DLGAP4: variants seen among roughly 807,000 people sequenced by gnomAD.
DLGAP4 encodes disks large-associated protein 4.
In DLGAP4, 18 loss-of-function variants were observed where a neutral mutation model predicts 86.9. That is an observed-to-expected ratio of 0.21 (90% CI 0.14 to 0.31). The LOEUF (loss-of-function observed/expected upper bound fraction) is 0.31, where lower values mean the gene tolerates loss of function less well. Ranked by LOEUF, DLGAP4 falls within the 10% of genes least tolerant of loss-of-function variation. The pLI is 1.00. For synonymous variants in DLGAP4, 548 were observed against 574.3 expected, an observed-to-expected ratio of 0.95 and a Z score of 0.65; for missense variants, 1,085 against 1,362.6, an observed-to-expected ratio of 0.80 and a Z score of 3.21.
At chr20:36,452,892 G>A (rs1341656640) in intron 7 of DLGAP4, among the ~76,000 whole-genome samples, 1 of 146,964 alleles carries the variant, frequency 6.8e-6, no homozygotes, top group Non-Finnish European at 1.5e-5. Context: ...GAGTGCAATG[G>A]CATGATCTCG....
intron 1 of DLGAP4, among the ~76,000 whole-genome samples, chr20:36,309,334 C>T (rs1388825977): frequency 2.0e-5 from 3 of 152,198 alleles, no homozygotes; most frequent in Non-Finnish European, 2.9e-5. Flanking sequence ...TGTCTCTTCA[C>T]GCCATTCCTC....
chr20:36,378,195 A>G (rs904009880), intron 2 of DLGAP4, among the ~76,000 whole-genome samples: 2 of 152,160 alleles, frequency 1.3e-5, no homozygotes, highest in Non-Finnish European at 2.9e-5. Context: ...TTGGGACGGT[A>G]GATACCAAGC....
At chr20:36,499,136 C>G in intron 8 of DLGAP4, 1 of 1,151,500 alleles carries the variant, frequency 8.7e-7, no homozygotes, top group Non-Finnish European at 1.2e-6. Flanking sequence ...TCAAGACAGC[C>G]GCCAGCTTCA....
At chr20:36,486,560 A>G (rs2035423293) in intron 7 of DLGAP4, among the ~76,000 whole-genome samples, 2 of 152,128 alleles carry the variant, frequency 1.3e-5, no homozygotes, top group Admixed American at 1.3e-4. Context: ...AGGGTGGGCC[A>G]GTTCCTATTG....
At chr20:36,376,565 G>A (rs1358074259) in intron 2 of DLGAP4, among the ~76,000 whole-genome samples, 1 of 152,188 alleles carries the variant, frequency 6.6e-6, no homozygotes, top group African/African-American at 2.4e-5. Flanking sequence ...GAATGGCACA[G>A]AGTGGCGTTT....
chr20:36,508,118 AGGC>A (rs888803232), intron 10 of DLGAP4: 43 of 152,332 alleles, frequency 2.8e-4, no homozygotes, highest in African/African-American at 1.0e-3. Flanking sequence ...CACAAGCCCA[AGGC>A]GGGGCTTCAG....
In DLGAP4 at chr20:36,308,969, T is replaced by A. The variant is rs2065029567; in HGVS notation, c.-304+2457T>A. The stretch of plus-strand genomic sequence containing the variant: ...AAACCCAACCTCCCCCTCCCCCAAC[T>A]AGCTACTTTCTAGCCACCTCTTGCT... On this transcript the variant is annotated intron_variant, in intron 1 of 12. Transcript: ENST00000339266. This position sits in a 1 kb window ranked among gnomAD's most constrained non-coding sequence, Gnocchi z 4.5. Among the ~76,000 whole-genome samples, 1 of 149,592 alleles carries A rather than the reference T, an allele frequency of 6.7e-6. No individual in the cohort carries two copies. Among genetic ancestry groups the A allele is most frequent in the East Asian group, 2.0e-4 (1 of 5,026 alleles).
intron 10 of DLGAP4, among the ~76,000 whole-genome samples, chr20:36,515,939 CTTTT>C (rs2037011433): frequency 6.6e-6 from 1 of 152,198 alleles, no homozygotes; most frequent in Non-Finnish European, 1.5e-5. Flanking sequence ...GAGCCACAGG[CTTTT>C]TTGTTTCCTT....
chr20:36,516,730 A>G (rs1420524641), intron 10 of DLGAP4, among the ~76,000 whole-genome samples: 1 of 151,928 alleles, frequency 6.6e-6, no homozygotes, highest in Non-Finnish European at 1.5e-5. Flanking sequence ...CACTATGCCT[A>G]AAGGCTTGCT....
chr20:36,355,416 C>G (rs1256687900), intron 1 of DLGAP4, among the ~76,000 whole-genome samples: 1 of 152,078 alleles, frequency 6.6e-6, no homozygotes, highest in Non-Finnish European at 1.5e-5. Context: ...CTCACCTCAG[C>G]CTCCTGAGTA....
chr20:36,415,428 T>C (rs933971427), intron 2 of DLGAP4, among the ~76,000 whole-genome samples: 9 of 152,278 alleles, frequency 5.9e-5, no homozygotes, highest in African/African-American at 1.9e-4. Context: ...GATGGCTAAA[T>C]AGAGACAGTG....
chr20:36,526,747 G>A, intron 12 of DLGAP4, 66 bp from the exon 13 acceptor site: 1 of 1,433,540 alleles, frequency 7.0e-7, no homozygotes, highest in South Asian at 1.3e-5. Context: ...ATATGGTGGG[G>A]GTAGTGCCAC....
At chr20:36,363,236 A>G (rs2030577665) in intron 1 of DLGAP4, among the ~76,000 whole-genome samples, 1 of 152,180 alleles carries the variant, frequency 6.6e-6, no homozygotes, top group Admixed American at 6.5e-5. Context: ...GGGCAAAAGG[A>G]GCAGGTGGGG....
intron 11 of DLGAP4, among the ~76,000 whole-genome samples, chr20:36,525,253 A>AAAAAAAAAAAAAAAAAAAAC (rs2037666042): frequency 1.7e-5 from 1 of 59,466 alleles, no homozygotes; most frequent in Admixed American, 2.0e-4. Flanking sequence ...AAAAAAAAAA[A>AAAAAAAAAAAAAAAAAAAAC]ACAAAGAAAT....
chr20:36,327,246 C>A (rs1440478577), intron 1 of DLGAP4, among the ~76,000 whole-genome samples: 1 of 151,998 alleles, frequency 6.6e-6, no homozygotes, highest in Admixed American at 6.6e-5. Flanking sequence ...GTGATTCACC[C>A]ACCTCGGCCT....
intron 10 of DLGAP4, among the ~76,000 whole-genome samples, chr20:36,522,703 A>C (rs1312198963): frequency 6.6e-6 from 1 of 152,042 alleles, no homozygotes; most frequent in African/African-American, 2.4e-5. Flanking sequence ...TTTTTAGTAG[A>C]GACAGGGTTT....
At chr20:36,318,102 CCT>C (rs1555890204) in intron 1 of DLGAP4, among the ~76,000 whole-genome samples, 346 of 117,224 alleles carry the variant, frequency 3.0e-3, no homozygotes, top group Middle Eastern at 4.3e-3. Flanking sequence ...ATAAATGTGT[CCT>C]CTCACACACA....
Position 36,497,074 on chromosome 20 carries a change from C to A in DLGAP4, c.2010+8C>A. 1 of 1,583,052 alleles carries A rather than the reference C, an allele frequency of 6.3e-7. No homozygotes were observed. Among genetic ancestry groups the A allele is most frequent in the Non-Finnish European group, 8.6e-7 (1 of 1,162,422 alleles). ...TCATCGATAGGAATACAAGTAGGGG[C>A]TCCTTTTGCACTCTGTGTCCTCAGC... On this transcript the variant is annotated splice_region_variant and intron_variant, in intron 8 of 12. Transcript: ENST00000339266.
intron 8 of DLGAP4, 65 bp downstream of exon 8, chr20:36,497,131 A>G: frequency 1.3e-6 from 2 of 1,524,830 alleles, no homozygotes; most frequent in Non-Finnish European, 1.8e-6. Context: ...GTGTAATTAC[A>G]TCTGGTAGAG....
Sources: gnomAD v4.1 joint callset for allele counts (sites outside exome capture counted in the v4.1 genomes callset) on GRCh38, gnomAD v4.1.1 for gene constraint, Gnocchi (gnomAD v3.1) non-coding constraint, MANE v1.5 for transcripts, NCBI Gene and HGNC (gene_info 2026-07-23, HGNC 2026-07-21) for gene names.